SPIDR: variants seen among roughly 807,000 people sequenced by gnomAD.
The protein encoded by SPIDR is scaffold protein involved in DNA repair, also known as DNA repair-scaffolding protein.
Under a neutral mutation model 104.6 loss-of-function variants are expected in SPIDR, and 93 were observed. The observed-to-expected ratio is 0.89, with a 90% CI of 0.75 to 1.06. The LOEUF (loss-of-function observed/expected upper bound fraction) is 1.06. SPIDR is among the 50% of genes least tolerant of loss of function. The pLI is 0.00. For missense variants in SPIDR, 1,154 were observed against 1,111.2 expected (o/e 1.04, Z -0.55); for synonymous variants, 431 against 416.9 (o/e 1.03, Z -0.41).
intron 7 of SPIDR, chr8:47,419,416 ATAT>A (rs2064997325): frequency 6.6e-6 from 1 of 152,104 alleles, no homozygotes; most frequent in Admixed American, 6.6e-5. Flanking sequence ...AGAGGTGTCT[ATAT>A]TATTCTCTGA....
At chr8:47,339,679 C>CTTT (rs199765975) in intron 5 of SPIDR, among the ~76,000 whole-genome samples, 3 of 135,884 alleles carry the variant, frequency 2.2e-5, no homozygotes, top group Non-Finnish European at 3.2e-5. Flanking sequence ...TGTTTACAAT[C>CTTT]TTTTTTTTTT....
At chr8:47,279,717 T>G (rs2037344257) in intron 1 of SPIDR, 145 bp from the exon 2 acceptor site, 1 of 732,862 alleles carries the variant, frequency 1.4e-6, no homozygotes, top group Non-Finnish European at 2.1e-6. Context: ...GCTCTTTATG[T>G]GAAGATTTAG....
chr8:47,464,436 T>A (rs1554715721), intron 8 of SPIDR, among the ~76,000 whole-genome samples: 2 of 152,032 alleles, frequency 1.3e-5, no homozygotes, highest in Non-Finnish European at 2.9e-5. Context: ...TCCTAACAGA[T>A]CTTCAGAGGG....
chr8:47,284,698 G>A (rs2038475750), intron 3 of SPIDR, among the ~76,000 whole-genome samples: 1 of 152,202 alleles, frequency 6.6e-6, no homozygotes, highest in Non-Finnish European at 1.5e-5. Context: ...TCTTGGAAGA[G>A]TGTAGGTGCT....
intron 5 of SPIDR, among the ~76,000 whole-genome samples, chr8:47,308,347 G>A (rs1481618715): frequency 6.6e-6 from 1 of 150,430 alleles, no homozygotes; most frequent in Non-Finnish European, 1.5e-5. Context: ...ATAGGCATGA[G>A]CTACCATGCC....
chr8:47,599,221 G>A (rs1162979008), intron 10 of SPIDR, 25 bp downstream of exon 10: 1 of 1,610,540 alleles, frequency 6.2e-7, no homozygotes, highest in Non-Finnish European at 8.5e-7. Context: ...GCTGGTGTGG[G>A]GCAGAGGTGA....
At chr8:47,358,113 C>G (rs2054923332) in intron 5 of SPIDR, among the ~76,000 whole-genome samples, 1 of 152,006 alleles carries the variant, frequency 6.6e-6, no homozygotes, top group South Asian at 2.1e-4. Flanking sequence ...GCTCTGTTGC[C>G]CACAGTGGAG....
At chr8:47,465,416 G>A (rs1050568867) in intron 8 of SPIDR, among the ~76,000 whole-genome samples, 11 of 152,114 alleles carry the variant, frequency 7.2e-5, no homozygotes, top group South Asian at 6.2e-4. Flanking sequence ...AAGGCACAGC[G>A]TGGCAAGCTG....
rs782819180 is a variant in SPIDR at position 47,440,486 on chromosome 8, G to T, written c.1041G>T (p.Glu347Asp). 12 of 1,614,250 alleles carry T rather than the reference G, an allele frequency of 7.4e-6. No homozygotes were observed. In the Admixed American group the frequency reaches 1.7e-4, roughly 22 times the overall value. ...GAGLKVLFTK[E>D]TAGYLRGRPQ... ...GCCTGAAAGTTCTCTTCACCAAGGA[G>T]ACTGCAGGCTACCTCAGGGGCCGTC... Residue 347 changes from glutamate to aspartate, a missense_variant, in exon 8 of 20, where the codon GAG becomes GAT. Physicochemically the swap from Glu to Asp is conservative, Grantham distance 45 (BLOSUM62 2). Coordinates refer to ENST00000297423, the MANE Select transcript of SPIDR (RefSeq NM_001080394.4).
At chr8:47,698,207 C>T (rs908609836) in intron 11 of SPIDR, among the ~76,000 whole-genome samples, 8 of 151,844 alleles carry the variant, frequency 5.3e-5, no homozygotes, top group African/African-American at 1.7e-4. Context: ...ATGGTGGCCA[C>T]TCCCCTGTCA....
chr8:47,595,922 G>C lies in SPIDR; in HGVS notation c.1209G>C (p.Pro403=), dbSNP rs868547404. 6 of 1,614,000 alleles carry C rather than the reference G, an allele frequency of 3.7e-6. No individual in the cohort carries two copies. The highest frequency in any genetic ancestry group is 5.1e-6 in the Non-Finnish European group (6 of 1,180,022). Residue 403 remains proline, a synonymous_variant, in exon 9 of 20, where the codon CCG becomes CCC. Coordinates refer to ENST00000297423, the MANE Select transcript of SPIDR (RefSeq NM_001080394.4). The stretch of plus-strand genomic sequence containing the variant: ...AAAAAACTTGTGAAGTGTACTGTCC[G>C]GACATACCCCTTCCAAGAAGAAGCA... ...DSEKTCEVYC[P]DIPLPRRSIS...
intron 8 of SPIDR, among the ~76,000 whole-genome samples, chr8:47,545,115 C>CTT (rs1337876803): frequency 3.6e-5 from 1 of 27,826 alleles, no homozygotes; most frequent in Non-Finnish European, 9.2e-5. Context: ...TTCTTTCTTT[C>CTT]TTTCTTTTTT....
chr8:47,735,865 G>C lies in SPIDR; in HGVS notation c.*415G>C. The C allele has an allele frequency of 3.1e-6, 1 of 319,128 alleles. No individual in the cohort carries two copies. Among genetic ancestry groups the C allele is most frequent in the Non-Finnish European group, 5.9e-6 (1 of 168,434 alleles). 19.8% of individuals were successfully genotyped at this position (319,128 alleles called of 1,614,324 possible). A position where few individuals can be genotyped will look rare whatever the true frequency, so the allele number is the denominator to read the frequency against. ...AATACCCTGCAAAGTGTAAACCTTT[G>C]TCCCATACTGTGATATTACTGTTCT... On this transcript the variant is annotated 3_prime_UTR_variant, in exon 20 of 20. Coordinates refer to ENST00000297423, the MANE Select transcript of SPIDR (RefSeq NM_001080394.4).
At chr8:47,712,052 G>A (rs185700773) in intron 14 of SPIDR, among the ~76,000 whole-genome samples, 15 of 152,174 alleles carry the variant, frequency 9.9e-5, no homozygotes, top group South Asian at 4.1e-4. Flanking sequence ...CCCCATTTGC[G>A]TCTACTGAAT....
At chr8:47,399,151 A>G (rs1381847639) in intron 6 of SPIDR, among the ~76,000 whole-genome samples, 1 of 152,222 alleles carries the variant, frequency 6.6e-6, no homozygotes, top group Non-Finnish European at 1.5e-5. Context: ...AAATTTCATC[A>G]TGTTTGTATG....
At chr8:47,498,652 TTTGCTG>T (rs2079842610) in intron 8 of SPIDR, among the ~76,000 whole-genome samples, 1 of 152,298 alleles carries the variant, frequency 6.6e-6, no homozygotes, top group East Asian at 1.9e-4. Flanking sequence ...GGGCTTTTCC[TTTGCTG>T]CCTAAGGGAG....
At chr8:47,316,105 G>A (rs956385916) in intron 5 of SPIDR, among the ~76,000 whole-genome samples, 23 of 152,074 alleles carry the variant, frequency 1.5e-4, no homozygotes, top group Non-Finnish European at 2.9e-4. Context: ...TTCTACAACT[G>A]AACAATGAAA....
At chr8:47,378,179 C>G (rs2058890614) in intron 5 of SPIDR, among the ~76,000 whole-genome samples, 1 of 152,184 alleles carries the variant, frequency 6.6e-6, no homozygotes, top group African/African-American at 2.4e-5. Context: ...TCCCATAGTT[C>G]ATGTTCTTGC....
At chr8:47,324,724 G>C (rs1554599314) in intron 5 of SPIDR, among the ~76,000 whole-genome samples, 1 of 152,206 alleles carries the variant, frequency 6.6e-6, no homozygotes, top group Non-Finnish European at 1.5e-5. Context: ...GGAAGAGGAA[G>C]TCTAGGTTGA....
Sources: gnomAD v4.1 joint callset for allele counts (sites outside exome capture counted in the v4.1 genomes callset) on GRCh38, gnomAD v4.1.1 for gene constraint, MANE v1.5 for transcripts, NCBI Gene and HGNC (gene_info 2026-07-23, HGNC 2026-07-21) for gene names.